The following BBS12 variants were observed in gnomAD, a reference collection of about 807,000 sequenced individuals.
The protein encoded by BBS12 is chaperonin-containing T-complex member BBS12.
In BBS12, 5 loss-of-function variants were observed where a neutral mutation model predicts 5.6. The observed-to-expected ratio is 0.89, with a 90% CI of 0.46 to 1.86. The LOEUF (loss-of-function observed/expected upper bound fraction) is 1.86. Ranked by LOEUF, BBS12 falls within the 40% of genes most tolerant of loss-of-function variation. The probability of loss-of-function intolerance (pLI) is 0.01; values close to 1 mark genes in which losing one functional copy is unlikely to be tolerated. For missense variants in BBS12, 748 were observed against 830.4 expected, an observed-to-expected ratio of 0.90 and a Z score of 1.22; for synonymous variants, 308 against 306.8, an observed-to-expected ratio of 1.00 and a Z score of -0.04.
the BBS12 span, among the ~76,000 whole-genome samples, chr4:122,725,267 A>G: frequency 6.6e-6 from 1 of 152,200 alleles, no homozygotes; most frequent in Admixed American, 6.5e-5. Flanking sequence ...AAACAATCCT[A>G]AGATTCATAT....
intron 1 of BBS12, among the ~76,000 whole-genome samples, chr4:122,739,912 G>A (rs1800840511): frequency 1.3e-5 from 2 of 152,202 alleles, no homozygotes; most frequent in Admixed American, 6.5e-5. Context: ...TCTCTAAGAT[G>A]CATCATAAAT....
At chr4:122,705,934 T>C in the BBS12 span, among the ~76,000 whole-genome samples, 2 of 152,198 alleles carry the variant, frequency 1.3e-5, no homozygotes, top group East Asian at 3.8e-4. Context: ...CTGATATCAG[T>C]AGTCAGTTGG....
the BBS12 span, among the ~76,000 whole-genome samples, chr4:122,716,622 C>CATATGTATATATAAACATATGTATAT: frequency 1.7e-4 from 14 of 80,078 alleles, no homozygotes; most frequent in Middle Eastern, 0.017. Context: ...TGTATATGCA[C>CATATGTATATATAAACATATGTATAT]ATACACATAT....
chr4:122,714,264 T>C, the BBS12 span, among the ~76,000 whole-genome samples: 1 of 152,190 alleles, frequency 6.6e-6, no homozygotes, highest in Non-Finnish European at 1.5e-5. Flanking sequence ...AGAACCCTGT[T>C]ATCCTTGGTA....
At chr4:122,727,726 G>A (rs964779747), upstream of BBS12, among the ~76,000 whole-genome samples, 12 of 150,858 alleles carry the variant, frequency 8.0e-5, 1 homozygote, top group Non-Finnish European at 1.5e-5. Context: ...CTATTTTTTT[G>A]TATTTTTAGT....
chr4:122,704,365 AG>A, the BBS12 span, among the ~76,000 whole-genome samples: 1 of 152,266 alleles, frequency 6.6e-6, no homozygotes, highest in Non-Finnish European at 1.5e-5. Context: ...CTGGGATTAA[AG>A]GAAAAGTATA....
At chr4:122,716,704 T>TGA in the BBS12 span, among the ~76,000 whole-genome samples, 1 of 131,690 alleles carries the variant, frequency 7.6e-6, no homozygotes, top group African/African-American at 3.3e-5. Context: ...TGTGTGTGTA[T>TGA]ACATACACAT....
chr4:122,704,969 T>C, the BBS12 span, among the ~76,000 whole-genome samples: 57 of 152,344 alleles, frequency 3.7e-4, no homozygotes, highest in African/African-American at 1.2e-3. Flanking sequence ...TTCAGCCATA[T>C]GACTTGGTTT....
the BBS12 span, among the ~76,000 whole-genome samples, chr4:122,723,911 A>C: frequency 1.1e-4 from 16 of 152,338 alleles, no homozygotes; most frequent in African/African-American, 3.4e-4. Context: ...TGTGACAAGC[A>C]AATAGTTATA....
the BBS12 span, among the ~76,000 whole-genome samples, chr4:122,718,546 A>G: frequency 4.6e-5 from 7 of 152,174 alleles, no homozygotes; most frequent in South Asian, 4.2e-4. Flanking sequence ...AGTGAACTCT[A>G]CTCTCAACAG....
chr4:122,732,405 A>G (rs1392997289), upstream of BBS12: 1 of 152,256 alleles, frequency 6.6e-6, no homozygotes, highest in African/African-American at 2.4e-5. Context: ...AGAAGGTTAC[A>G]GCTTCACACT....
chr4:122,741,845 A>G, intron 1 of BBS12, 38 bp from the exon 2 acceptor site: 1 of 1,529,802 alleles, frequency 6.5e-7, no homozygotes, highest in Admixed American at 1.7e-5. Flanking sequence ...ACTATGAATT[A>G]TACTGAATAA....
At chr4:122,734,779 G>GT (rs895321432) in intron 1 of BBS12, among the ~76,000 whole-genome samples, 1 of 152,122 alleles carries the variant, frequency 6.6e-6, no homozygotes, top group East Asian at 1.9e-4. Context: ...TAGTTAAAAT[G>GT]TTTTTTTAAT....
upstream of BBS12, chr4:122,732,101 G>T (rs530471252): frequency 6.6e-6 from 1 of 152,010 alleles, no homozygotes. Flanking sequence ...ATAAATTAAA[G>T]GCGTCTTTAA....
chr4:122,743,563 T>G lies in BBS12; in HGVS notation c.1671T>G (p.Ser557=). The change falls in exon 2 of 2, where the codon TCT becomes TCG. Residue 557 remains serine, a synonymous_variant. Coordinates refer to ENST00000314218, the MANE Select transcript of BBS12 (RefSeq NM_152618.3). The part of the protein sequence containing the change: ...LSCLHILAEQ[S]LKKENHACSG... Reference sequence around the variant, plus strand: ...GTCTTCATATTCTTGCAGAGCAATCTCTGAAAAAAGAAAACCATGCCTGCT... The same window carrying G: ...GTCTTCATATTCTTGCAGAGCAATCGCTGAAAAAAGAAAACCATGCCTGCT... 1 of 1,614,158 alleles carries G rather than the reference T, an allele frequency of 6.2e-7. No homozygotes were observed. Among genetic ancestry groups the G allele is most frequent in the Non-Finnish European group, 8.5e-7 (1 of 1,180,018 alleles).
At chr4:122,704,110 A>C in the BBS12 span, among the ~76,000 whole-genome samples, 1 of 152,206 alleles carries the variant, frequency 6.6e-6, no homozygotes, top group Non-Finnish European at 1.5e-5. Flanking sequence ...TCAGCATACC[A>C]AAGTGCTGGG....
chr4:122,726,589 G>A, the BBS12 span, among the ~76,000 whole-genome samples: 1 of 152,132 alleles, frequency 6.6e-6, no homozygotes, highest in Non-Finnish European at 1.5e-5. Flanking sequence ...AGGAAAAGAA[G>A]TCATCATACA....
At chr4:122,714,711 G>T in the BBS12 span, among the ~76,000 whole-genome samples, 1 of 151,876 alleles carries the variant, frequency 6.6e-6, no homozygotes, top group Non-Finnish European at 1.5e-5. Context: ...CCATACAACA[G>T]TTGAAATGAA....
chr4:122,726,940 T>C, the BBS12 span, among the ~76,000 whole-genome samples: 2 of 152,112 alleles, frequency 1.3e-5, no homozygotes, highest in Non-Finnish European at 2.9e-5. Flanking sequence ...CAATGGACTT[T>C]GGGGACTCAG....
Sources: gnomAD v4.1 joint callset for allele counts (sites outside exome capture counted in the v4.1 genomes callset) on GRCh38, gnomAD v4.1.1 for gene constraint, MANE v1.5 for transcripts, NCBI Gene and HGNC (gene_info 2026-07-23, HGNC 2026-07-21) for gene names.